CERKL: variants seen among roughly 807,000 people sequenced by gnomAD.
CERKL encodes the protein ceramide kinase-like protein.
A neutral mutation model predicts 63.4 loss-of-function variants in CERKL; 61 were observed. The ratio of observed to expected loss-of-function variants is 0.96; its 90% CI spans 0.78 to 1.19. The LOEUF is 1.19. Ranked by LOEUF, CERKL falls within the 50% of genes most tolerant of loss-of-function variation. The probability of loss-of-function intolerance (pLI) is 0.00; values close to 1 mark genes in which losing one functional copy is unlikely to be tolerated. For synonymous variants in CERKL, 250 were observed against 230.5 expected (o/e 1.08, Z -0.77); for missense variants, 675 against 655.5 (o/e 1.03, Z -0.33).
chr2:181,621,904 G>A (rs983529838), intron 1 of CERKL, among the ~76,000 whole-genome samples: 2 of 152,090 alleles, frequency 1.3e-5, no homozygotes, highest in African/African-American at 4.8e-5. Flanking sequence ...TTCACTCACA[G>A]TAAGAAGTCA....
At position 181,575,114 on chromosome 2, in the gene CERKL, GCCTTCTC is replaced by G. The variant is rs556427690; in HGVS notation, c.482-1237_482-1231del. On this transcript the variant is annotated intron_variant, in intron 2 of 12. Transcript: ENST00000410087. ...TAAGATGGTAGCCACTTGCTTCCAT[GCCTTCTC>G]CCTTCTCCCACTGATGTCCTCTGAC... Among the ~76,000 whole-genome samples the G allele has an allele frequency of 3.8e-3, 571 of 152,250 alleles. 3 individuals are homozygous for G. Among genetic ancestry groups the G allele is most frequent in the Non-Finnish European group, 5.3e-3 (359 of 68,012 alleles).
intron 1 of CERKL, among the ~76,000 whole-genome samples, chr2:181,641,898 C>T (rs962028962): frequency 6.6e-6 from 1 of 152,176 alleles, no homozygotes; most frequent in Non-Finnish European, 1.5e-5. Context: ...TCTAACTGGA[C>T]AGCCCTGCTT....
chr2:181,630,629 C>G (rs1686915829), intron 1 of CERKL, among the ~76,000 whole-genome samples: 1 of 152,156 alleles, frequency 6.6e-6, no homozygotes. Flanking sequence ...AGGTGGCCAC[C>G]TGAAAGCCAG....
chr2:181,573,173 G>A (rs376945632), intron 3 of CERKL, among the ~76,000 whole-genome samples: 77 of 152,062 alleles, frequency 5.1e-4, no homozygotes, highest in African/African-American at 1.8e-3. Flanking sequence ...AATCAAAAAG[G>A]ATATTACTAA....
intron 1 of CERKL, among the ~76,000 whole-genome samples, chr2:181,632,269 A>G (rs1408186303): frequency 1.3e-5 from 2 of 152,184 alleles, no homozygotes; most frequent in African/African-American, 4.8e-5. Context: ...ATATAGAGGG[A>G]TTAGAGGAAC....
At chr2:181,634,813 T>C (rs1418569734) in intron 1 of CERKL, among the ~76,000 whole-genome samples, 1 of 152,128 alleles carries the variant, frequency 6.6e-6, no homozygotes, top group Non-Finnish European at 1.5e-5. Flanking sequence ...AAGCAATAAG[T>C]AACTGCTGCA....
intron 2 of CERKL, among the ~76,000 whole-genome samples, chr2:181,596,655 T>C (rs1337789908): frequency 3.3e-5 from 5 of 152,252 alleles, no homozygotes; most frequent in African/African-American, 4.8e-5. Flanking sequence ...GAATATAGCA[T>C]GTTCTGTCAC....
At chr2:181,653,684 C>A (rs1412406871) in intron 1 of CERKL, among the ~76,000 whole-genome samples, 3 of 152,080 alleles carry the variant, frequency 2.0e-5, no homozygotes, top group Admixed American at 6.5e-5. Flanking sequence ...CATGTAGAAT[C>A]TTTTTCTATT....
chr2:181,589,266 T>C (rs759999448), intron 2 of CERKL, among the ~76,000 whole-genome samples: 4 of 152,220 alleles, frequency 2.6e-5, no homozygotes, highest in Non-Finnish European at 5.9e-5. Flanking sequence ...TAAAAACTAC[T>C]TTCAGAAAAG....
rs376668759 is a variant in CERKL, at chr2:181,570,570, C to T, written c.613+3183G>A. Reference sequence around the variant, plus strand: ...AAAAATAATTCTTTCCAGGTTCTCCCGGAAGTTTTTCTGATGCTATTAGAT... The same window carrying T: ...AAAAATAATTCTTTCCAGGTTCTCCTGGAAGTTTTTCTGATGCTATTAGAT... On this transcript the variant is annotated intron_variant, in intron 3 of 12. Coordinates refer to ENST00000410087, the MANE Select transcript of CERKL (RefSeq NM_201548.5). 2.4e-4 allele frequency among the ~76,000 whole-genome samples: 36 copies of T among 152,190 alleles called. No individual in the cohort carries two copies. The East Asian group carries it at 6.4e-3, about 27-fold the overall frequency.
chr2:181,636,752 A>G (rs1687196390), intron 1 of CERKL, among the ~76,000 whole-genome samples: 1 of 152,144 alleles, frequency 6.6e-6, no homozygotes, highest in African/African-American at 2.4e-5. Flanking sequence ...TTCAAGGCCC[A>G]CATTAAAGTT....
intron 5 of CERKL, among the ~76,000 whole-genome samples, chr2:181,557,308 C>T (rs958320864): frequency 1.3e-5 from 2 of 152,138 alleles, no homozygotes; most frequent in Admixed American, 1.3e-4. Context: ...GACACGAAGT[C>T]CTTGCCCATG....
At chr2:181,606,239 T>TGGAAGACGAGGAA (rs1685676001) in intron 1 of CERKL, among the ~76,000 whole-genome samples, 1 of 90,752 alleles carries the variant, frequency 1.1e-5, no homozygotes, top group Non-Finnish European at 2.0e-5. Context: ...GAAGGGAGGA[T>TGGAAGACGAGGAA]GGAAGACAAG....
chr2:181,592,849 C>A (rs2105878527), intron 2 of CERKL, among the ~76,000 whole-genome samples: 1 of 152,140 alleles, frequency 6.6e-6, no homozygotes, highest in Middle Eastern at 3.4e-3. Context: ...CATGACACAC[C>A]AAGAAATCAT....
At chr2:181,592,789 G>C (rs746892866) in intron 2 of CERKL, among the ~76,000 whole-genome samples, 8 of 152,062 alleles carry the variant, frequency 5.3e-5, no homozygotes, top group Non-Finnish European at 1.2e-4. Context: ...CTTGTCTCAG[G>C]GATGTTGTGA....
chr2:181,546,889 G>A (rs899861070), intron 10 of CERKL, among the ~76,000 whole-genome samples: 1 of 152,192 alleles, frequency 6.6e-6, no homozygotes, highest in Admixed American at 6.6e-5. Context: ...TTGGCTTTGT[G>A]TTCCCACTCA....
chr2:181,604,113 T>C (rs1161404323), intron 1 of CERKL, 34 bp from the exon 2 acceptor site: 7 of 1,545,676 alleles, frequency 4.5e-6, no homozygotes, highest in South Asian at 1.1e-5. Context: ...ATTAAAACCA[T>C]TGTGTTTCAT....
At chr2:181,561,167 A>G (rs1167744636) in intron 4 of CERKL, among the ~76,000 whole-genome samples, 2 of 152,138 alleles carry the variant, frequency 1.3e-5, no homozygotes, top group African/African-American at 4.8e-5. Context: ...CAATTCCAGC[A>G]CTTTGGGAGG....
At chr2:181,557,908 A>C (rs1385496210) in intron 5 of CERKL, among the ~76,000 whole-genome samples, 3 of 152,164 alleles carry the variant, frequency 2.0e-5, no homozygotes, top group Non-Finnish European at 2.9e-5. Flanking sequence ...AACCCATTTT[A>C]AGACCTAATC....
Sources: allele counts gnomAD v4.1 joint callset (sites outside exome capture counted in the v4.1 genomes callset), GRCh38; gene constraint gnomAD v4.1.1; transcripts MANE v1.5; gene names NCBI Gene and HGNC (gene_info 2026-07-23, HGNC 2026-07-21).